PRKD1: variants seen among roughly 807,000 people sequenced by gnomAD.
PRKD1 encodes serine/threonine-protein kinase D1.
PRKD1 carries 63 observed loss-of-function variants against 95.9 expected under a neutral mutation model. The observed-to-expected ratio is 0.66, with a 90% confidence interval of 0.54 to 0.81. PRKD1 has a LOEUF of 0.81. PRKD1 is among the 30% of genes least tolerant of loss of function. The pLI, the probability that PRKD1 is intolerant of heterozygous loss-of-function variation, is 0.00. For synonymous variants in PRKD1, 425 were observed against 423.1 expected (o/e 1.00, Z -0.05); for missense variants, 1,048 against 1,165.3 (o/e 0.90, Z 1.47).
intron 1 of PRKD1, among the ~76,000 whole-genome samples, chr14:29,895,181 G>T (rs559651918): frequency 6.6e-6 from 1 of 152,092 alleles, no homozygotes; most frequent in Non-Finnish European, 1.5e-5. Flanking sequence ...TCTGGGCATG[G>T]TGGCGGACAC....
chr14:29,903,743 A>G (rs45543743), intron 1 of PRKD1, among the ~76,000 whole-genome samples: 9,851 of 152,266 alleles, frequency 0.065, 378 homozygotes, highest in South Asian at 0.11. Context: ...TAATGAAAAA[A>G]GCCTGTCTAT....
chr14:29,761,196 C>T (rs1388414206), intron 1 of PRKD1, among the ~76,000 whole-genome samples: 1 of 152,124 alleles, frequency 6.6e-6, no homozygotes, highest in Non-Finnish European at 1.5e-5. Flanking sequence ...TTCCTTGCCC[C>T]CTTAAGTATA....
At chr14:29,786,568 T>C (rs1409057636) in intron 1 of PRKD1, among the ~76,000 whole-genome samples, 1 of 152,182 alleles carries the variant, frequency 6.6e-6, no homozygotes, top group African/African-American at 2.4e-5. Flanking sequence ...TCAATCTTGA[T>C]AGGCTGTGTG....
intron 13 of PRKD1, among the ~76,000 whole-genome samples, chr14:29,620,268 G>C (rs1418322821): frequency 6.6e-6 from 1 of 151,686 alleles, no homozygotes; most frequent in East Asian, 1.9e-4. Context: ...GCATGAGCAA[G>C]GACTTCATAT....
At chr14:29,645,974 T>G (rs1271752848) in intron 4 of PRKD1, among the ~76,000 whole-genome samples, 1 of 152,162 alleles carries the variant, frequency 6.6e-6, no homozygotes, top group Non-Finnish European at 1.5e-5. Context: ...CTGTCTCCCT[T>G]CAACAGAATA....
intron 1 of PRKD1, among the ~76,000 whole-genome samples, chr14:29,858,102 G>C (rs949445102): frequency 3.9e-5 from 6 of 152,300 alleles, no homozygotes; most frequent in Non-Finnish European, 7.4e-5. Context: ...AAAGTAAACT[G>C]TCTTGCTTAA....
At chr14:29,640,348 C>T (rs1297869178) in intron 4 of PRKD1, among the ~76,000 whole-genome samples, 2 of 152,076 alleles carry the variant, frequency 1.3e-5, no homozygotes, top group African/African-American at 4.8e-5. Flanking sequence ...CTTTTCAATC[C>T]CTATCTGTAC....
intron 8 of PRKD1, among the ~76,000 whole-genome samples, chr14:29,633,932 C>T (rs936906751): frequency 6.6e-6 from 1 of 152,174 alleles, no homozygotes; most frequent in African/African-American, 2.4e-5. Context: ...CTCTTACGTA[C>T]GTACACAACC....
chr14:29,828,346 G>C (rs1891276427), intron 1 of PRKD1, among the ~76,000 whole-genome samples: 1 of 151,998 alleles, frequency 6.6e-6, no homozygotes. Context: ...GAAGGTGCCA[G>C]GCTCTCTTAA....
At chr14:29,802,717 G>C (rs1366616479) in intron 1 of PRKD1, among the ~76,000 whole-genome samples, 1 of 152,186 alleles carries the variant, frequency 6.6e-6, no homozygotes, top group Non-Finnish European at 1.5e-5. Flanking sequence ...GACTCAATAA[G>C]ATTTTCCCAT....
At chr14:29,598,470 G>C (rs947832074) in intron 15 of PRKD1, among the ~76,000 whole-genome samples, 1 of 151,968 alleles carries the variant, frequency 6.6e-6, no homozygotes, top group Non-Finnish European at 1.5e-5. Context: ...TCACTCAAGC[G>C]CTTATTATGA....
At chr14:29,874,761 C>A (rs1443344053) in intron 1 of PRKD1, among the ~76,000 whole-genome samples, 1 of 152,088 alleles carries the variant, frequency 6.6e-6, no homozygotes, top group Non-Finnish European at 1.5e-5. Context: ...TACGTATGTT[C>A]TCACTCATAA....
chr14:29,879,425 C>G (rs1255816014), intron 1 of PRKD1, among the ~76,000 whole-genome samples: 1 of 152,198 alleles, frequency 6.6e-6, no homozygotes, highest in Non-Finnish European at 1.5e-5. Flanking sequence ...CTTGCTGCCA[C>G]CACGTAAGAA....
chr14:29,695,972 G>T (rs1321745940), intron 2 of PRKD1, among the ~76,000 whole-genome samples: 1 of 152,136 alleles, frequency 6.6e-6, no homozygotes, highest in East Asian at 1.9e-4. Context: ...GCATTTAGGC[G>T]AAAAAATACT....
At chr14:29,768,883 C>A (rs140466727) in intron 1 of PRKD1, among the ~76,000 whole-genome samples, 131 of 152,170 alleles carry the variant, frequency 8.6e-4, no homozygotes, top group African/African-American at 3.1e-3. Flanking sequence ...GTATAACTAT[C>A]CTTGGTTACA....
chr14:29,864,900 C>T (rs1892835453), intron 1 of PRKD1, among the ~76,000 whole-genome samples: 1 of 152,114 alleles, frequency 6.6e-6, no homozygotes, highest in African/African-American at 2.4e-5. Flanking sequence ...GTTTATAGGT[C>T]TAATCTTTAA....
chr14:29,665,998 C>G, intron 3 of PRKD1, 79 bp downstream of exon 3: 1 of 1,423,932 alleles, frequency 7.0e-7, no homozygotes, highest in Non-Finnish European at 9.4e-7. Flanking sequence ...TTTTACGTAT[C>G]TTTGCAATTG....
intron 13 of PRKD1, among the ~76,000 whole-genome samples, chr14:29,621,362 G>GT (rs1879251738): frequency 6.6e-6 from 1 of 151,290 alleles, no homozygotes; most frequent in Non-Finnish European, 1.5e-5. Flanking sequence ...AATAAAAAGG[G>GT]TTTCTTTCTT....
At chr14:29,899,568 A>T (rs2139427359) in intron 1 of PRKD1, among the ~76,000 whole-genome samples, 1 of 152,194 alleles carries the variant, frequency 6.6e-6, no homozygotes, top group South Asian at 2.1e-4. Flanking sequence ...AATTGCTTGA[A>T]CCCAGGAGGT....
Sources: allele counts gnomAD v4.1 joint callset (sites outside exome capture counted in the v4.1 genomes callset), GRCh38; gene constraint gnomAD v4.1.1; transcripts MANE v1.5; gene names NCBI Gene and HGNC (gene_info 2026-07-23, HGNC 2026-07-21).